WWOX: variants seen among roughly 807,000 people sequenced by gnomAD.
WWOX encodes WW domain containing oxidoreductase.
In WWOX, 69 loss-of-function variants were observed where a neutral mutation model predicts 46.2. That is an observed-to-expected ratio of 1.49 (90% CI 1.23 to 1.82). The LOEUF is 1.82. WWOX is among the 40% of genes most tolerant of loss of function. The probability of loss-of-function intolerance (pLI) is 0.00; values close to 1 mark genes in which losing one functional copy is unlikely to be tolerated. For synonymous variants in WWOX, 359 were observed against 202.6 expected (o/e 1.77, Z -6.56); for missense variants, 919 against 542.6 (o/e 1.69, Z -6.89).
At chr16:79,196,359 C>T (rs1450164913) in intron 8 of WWOX, 1 of 152,116 alleles carries the variant, frequency 6.6e-6, no homozygotes, top group East Asian at 1.9e-4. Context: ...TCATTCTGTC[C>T]TCCAGGTACC....
intron 8 of WWOX, among the ~76,000 whole-genome samples, chr16:78,504,962 A>G (rs1877279): frequency 0.91 from 138,011 of 152,190 alleles, 63,127 homozygotes; most frequent in Non-Finnish European, 0.97. Flanking sequence ...GAATGTATAA[A>G]TTGATGTGTT....
chr16:78,932,895 T>G (rs1289662848), intron 8 of WWOX, among the ~76,000 whole-genome samples: 6 of 152,196 alleles, frequency 3.9e-5, no homozygotes, highest in African/African-American at 1.4e-4. Context: ...TTAAGTTCCA[T>G]AAAGTCACTT....
At chr16:78,445,409 C>G (rs979173705) in intron 8 of WWOX, among the ~76,000 whole-genome samples, 1 of 152,144 alleles carries the variant, frequency 6.6e-6, no homozygotes, top group African/African-American at 2.4e-5. Context: ...CTAACATAAG[C>G]CGGGTGCTTT....
chr16:79,049,804 C>T (rs1274232490), intron 8 of WWOX, among the ~76,000 whole-genome samples: 1 of 146,542 alleles, frequency 6.8e-6, no homozygotes, highest in Non-Finnish European at 1.5e-5. Context: ...CACCGCACAC[C>T]AGCCTGGCCG....
chr16:79,211,731 G>A lies in WWOX; in HGVS notation c.1180G>A (p.Ala394Thr), dbSNP rs767286260. Residue 394 changes from alanine to threonine, a missense_variant, in exon 9 of 9, where the codon GCC becomes ACC. By Grantham distance (58) the Ala-to-Thr change is moderately conservative (BLOSUM62 0). Transcript: ENST00000566780. ...ACCAGAAGCTCAGAGCGAAGAGACG[G>A]CCCGGACCCTGTGGGCGCTCAGCGA... The part of the protein sequence containing the change: ...PSPEAQSEET[A>T]RTLWALSERL... The A allele has an allele frequency of 1.2e-5, 20 of 1,614,088 alleles. No individual in the cohort carries two copies. In the Admixed American group the frequency reaches 2.2e-4, roughly 17 times the overall value.
chr16:78,451,495 A>G (rs1398644963), intron 8 of WWOX, among the ~76,000 whole-genome samples: 1 of 152,152 alleles, frequency 6.6e-6, no homozygotes, highest in East Asian at 1.9e-4. Context: ...AGAACACAGG[A>G]TTTTGAAGTT....
chr16:78,167,666 C>T (rs931481129), intron 5 of WWOX: 1 of 152,060 alleles, frequency 6.6e-6, no homozygotes, highest in Non-Finnish European at 1.5e-5. Flanking sequence ...CTCATTTTCC[C>T]AAGATGATGA....
chr16:78,184,633 C>T (rs1251727966), intron 5 of WWOX, among the ~76,000 whole-genome samples: 1 of 151,926 alleles, frequency 6.6e-6, no homozygotes, highest in Non-Finnish European at 1.5e-5. Flanking sequence ...AAGGCAAAGA[C>T]AAATATTTAT....
intron 8 of WWOX, among the ~76,000 whole-genome samples, chr16:79,169,065 G>A (rs902116025): frequency 6.6e-6 from 1 of 152,178 alleles, no homozygotes; most frequent in Non-Finnish European, 1.5e-5. Flanking sequence ...CGGGCAAGGC[G>A]TGTGCTAGCT....
intron 8 of WWOX, among the ~76,000 whole-genome samples, chr16:79,023,124 G>A (rs892153373): frequency 5.3e-5 from 8 of 152,144 alleles, no homozygotes; most frequent in African/African-American, 1.9e-4. Flanking sequence ...GTTTAAGGAG[G>A]GGGAATGTGA....
chr16:78,487,162 T>C (rs1190283051), intron 8 of WWOX, among the ~76,000 whole-genome samples: 2 of 152,226 alleles, frequency 1.3e-5, no homozygotes, highest in Non-Finnish European at 2.9e-5. Context: ...TTTTGCAATT[T>C]TCTTTAATAT....
At chr16:78,466,471 AAG>A (rs1369718411) in intron 8 of WWOX, among the ~76,000 whole-genome samples, 3 of 152,214 alleles carry the variant, frequency 2.0e-5, no homozygotes, top group African/African-American at 7.2e-5. Flanking sequence ...TCTCAGCAAA[AAG>A]AGGCTAACAC....
intron 8 of WWOX, among the ~76,000 whole-genome samples, chr16:79,115,347 A>G (rs1451605457): frequency 2.0e-5 from 3 of 152,208 alleles, no homozygotes; most frequent in African/African-American, 4.8e-5. Context: ...GGAAACAGCA[A>G]CATCAGGACT....
At chr16:78,767,379 C>G (rs1449455735) in intron 8 of WWOX, among the ~76,000 whole-genome samples, 1 of 152,060 alleles carries the variant, frequency 6.6e-6, no homozygotes, top group Non-Finnish European at 1.5e-5. Flanking sequence ...CGGTCATCCA[C>G]CCGCCTGGGC....
At chr16:78,882,164 C>T (rs932724541) in intron 8 of WWOX, among the ~76,000 whole-genome samples, 1 of 152,130 alleles carries the variant, frequency 6.6e-6, no homozygotes, top group South Asian at 2.1e-4. Context: ...ATAGTTTTCT[C>T]CGTTTTGTGA....
intron 8 of WWOX, among the ~76,000 whole-genome samples, chr16:78,651,231 C>T (rs1205051680): frequency 6.6e-6 from 1 of 152,248 alleles, no homozygotes; most frequent in African/African-American, 2.4e-5. Context: ...CACGTGTGTG[C>T]ATCCCTGGCA....
chr16:78,119,266 T>G (rs1401284087), intron 4 of WWOX, among the ~76,000 whole-genome samples: 1 of 152,196 alleles, frequency 6.6e-6, no homozygotes, highest in Non-Finnish European at 1.5e-5. Flanking sequence ...GAACATTACA[T>G]GCAAATGTTG....
intron 8 of WWOX, among the ~76,000 whole-genome samples, chr16:78,761,718 C>T (rs1359524173): frequency 1.3e-5 from 2 of 152,166 alleles, no homozygotes; most frequent in South Asian, 2.1e-4. Context: ...CTTTGTGGCA[C>T]TACAAGGTCC....
chr16:78,321,357 T>C (rs1338357753), intron 5 of WWOX, among the ~76,000 whole-genome samples: 2 of 52,312 alleles, frequency 3.8e-5, no homozygotes, highest in South Asian at 1.6e-3. Context: ...TACGTATATA[T>C]GCGTATATAT....
Sources: gnomAD v4.1 joint callset for allele counts (sites outside exome capture counted in the v4.1 genomes callset) on GRCh38, gnomAD v4.1.1 for gene constraint, MANE v1.5 for transcripts, NCBI Gene and HGNC (gene_info 2026-07-23, HGNC 2026-07-21) for gene names.